Variants in SLC35F3 observed in about 807,000 individuals in gnomAD.
SLC35F3 encodes the protein putative thiamine transporter SLC35F3.
In SLC35F3, 25 loss-of-function variants were observed where a neutral mutation model predicts 49.9. That is an observed-to-expected ratio of 0.50 (90% CI 0.37 to 0.70). The LOEUF is 0.70. Among genes scored for constraint, SLC35F3 ranks in the 30% least tolerant of loss-of-function variants. The pLI, the probability that SLC35F3 is intolerant of heterozygous loss-of-function variation, is 0.00. For missense variants in SLC35F3, 525 were observed against 639.8 expected, an observed-to-expected ratio of 0.82 and a Z score of 1.94; for synonymous variants, 275 against 265.4, an observed-to-expected ratio of 1.04 and a Z score of -0.35.
intron 2 of SLC35F3, among the ~76,000 whole-genome samples, chr1:234,103,696 G>A (rs993397387): frequency 6.6e-6 from 1 of 152,196 alleles, no homozygotes; most frequent in African/African-American, 2.4e-5. Context: ...CACAATAGCT[G>A]TATCCTCTTC....
At chr1:233,950,857 CCCCTGCAATAT>C (rs1312866198) in intron 2 of SLC35F3, among the ~76,000 whole-genome samples, 2 of 151,422 alleles carry the variant, frequency 1.3e-5, no homozygotes, top group Non-Finnish European at 2.9e-5. Context: ...GTTTTTTTTC[CCCCTGCAATAT>C]CCCTGCAATA....
At position 234,271,040 on chromosome 1, in the gene SLC35F3, C is replaced by A. The variant is rs141554835; in HGVS notation, c.609-38061C>A. On this transcript the variant is annotated intron_variant, in intron 3 of 7. Transcript: ENST00000366618. Reference sequence around the variant, plus strand: ...AACAGCAGAATAATTTGATTGTAGGCAATAGCCTAAGTGTGCATTTCTTGG... The same window carrying A: ...AACAGCAGAATAATTTGATTGTAGGAAATAGCCTAAGTGTGCATTTCTTGG... Among the ~76,000 whole-genome samples the A allele has an allele frequency of 2.2e-4, 33 of 152,276 alleles. No individual in the cohort carries two copies. In the East Asian group the frequency reaches 6.4e-3, roughly 29 times the overall value.
intron 2 of SLC35F3, among the ~76,000 whole-genome samples, chr1:233,941,590 G>A (rs939813895): frequency 3.3e-5 from 5 of 152,244 alleles, no homozygotes; most frequent in Admixed American, 3.3e-4. Context: ...TTAAAGTTTT[G>A]TGGGGTTCAA....
chr1:233,986,667 C>T (rs1663270880), intron 2 of SLC35F3, among the ~76,000 whole-genome samples: 1 of 152,132 alleles, frequency 6.6e-6, no homozygotes, highest in Non-Finnish European at 1.5e-5. Context: ...ATGATTTTAA[C>T]ATTTGCTTAT....
chr1:234,084,988 A>G (rs1664940307), intron 2 of SLC35F3, among the ~76,000 whole-genome samples: 1 of 152,230 alleles, frequency 6.6e-6, no homozygotes, highest in African/African-American at 2.4e-5. Context: ...GTGCTTTAAC[A>G]TGGATGAATC....
chr1:234,088,886 T>C (rs1395161779), intron 2 of SLC35F3, among the ~76,000 whole-genome samples: 1 of 152,112 alleles, frequency 6.6e-6, no homozygotes, highest in Non-Finnish European at 1.5e-5. Context: ...CTCAGCCTCC[T>C]GAGTAGCTGG....
At chr1:234,169,208 A>G (rs1345366759) in intron 2 of SLC35F3, among the ~76,000 whole-genome samples, 1 of 152,128 alleles carries the variant, frequency 6.6e-6, no homozygotes, top group Non-Finnish European at 1.5e-5. Flanking sequence ...GCCCACCCGC[A>G]TTGGCAAGGG....
intron 6 of SLC35F3, 120 bp downstream of exon 6, chr1:234,319,063 T>C (rs4920231): frequency 8.3e-4 from 683 of 821,580 alleles, no homozygotes; most frequent in Middle Eastern, 2.7e-3. Context: ...TTCTCACTGG[T>C]TTTTAAGATC....
intron 2 of SLC35F3, among the ~76,000 whole-genome samples, chr1:234,010,556 A>G (rs971343994): frequency 6.6e-6 from 1 of 152,194 alleles, no homozygotes; most frequent in Non-Finnish European, 1.5e-5. Flanking sequence ...TGGCTGGTTG[A>G]ATTTTAAAAA....
intron 2 of SLC35F3, among the ~76,000 whole-genome samples, chr1:234,215,844 G>A (rs767669939): frequency 4.6e-5 from 7 of 152,194 alleles, no homozygotes; most frequent in Non-Finnish European, 1.0e-4. Flanking sequence ...GTGGGTTAAC[G>A]TGTCCTAGAC....
At chr1:234,252,019 C>T (rs1667745308) in intron 3 of SLC35F3, among the ~76,000 whole-genome samples, 1 of 151,172 alleles carries the variant, frequency 6.6e-6, no homozygotes, top group Non-Finnish European at 1.5e-5. Flanking sequence ...TATGACTTGT[C>T]TCACTGTGGT....
At chr1:233,997,101 G>C (rs915328942) in intron 2 of SLC35F3, among the ~76,000 whole-genome samples, 2 of 151,992 alleles carry the variant, frequency 1.3e-5, no homozygotes, top group Non-Finnish European at 2.9e-5. Context: ...CTTTTTTCAG[G>C]CTGACTATTC....
At chr1:234,022,430 A>C (rs1417427109) in intron 2 of SLC35F3, among the ~76,000 whole-genome samples, 1 of 151,164 alleles carries the variant, frequency 6.6e-6, no homozygotes, top group Non-Finnish European at 1.5e-5. Context: ...TGAAGGCCAT[A>C]TGGAGGCAGA....
intron 2 of SLC35F3, among the ~76,000 whole-genome samples, chr1:234,186,029 C>T (rs1162027837): frequency 6.6e-6 from 1 of 152,134 alleles, no homozygotes; most frequent in Non-Finnish European, 1.5e-5. Context: ...TGTCTGAAGG[C>T]AGCATTTTAA....
rs577273441 is a variant in SLC35F3 at position 234,212,392 on chromosome 1, G to A, written c.284-19025G>A. On this transcript the variant is annotated intron_variant, in intron 2 of 7. Transcript: ENST00000366618. The stretch of plus-strand genomic sequence containing the variant: ...TCAAAACCACATTCAAACTTGACAC[G>A]TATCTCTCAGCTGACTTGGAATAGC... 1.2e-4 allele frequency among the ~76,000 whole-genome samples: 18 copies of A among 152,302 alleles called. No individual in the cohort carries two copies. The East Asian group carries it at 1.3e-3, about 11-fold the overall frequency.
intron 2 of SLC35F3, among the ~76,000 whole-genome samples, chr1:234,228,268 T>C (rs1667317928): frequency 6.6e-6 from 1 of 152,216 alleles, no homozygotes; most frequent in South Asian, 2.1e-4. Context: ...TTACTTACTT[T>C]TATGTTCTAT....
chr1:233,966,063 C>A (rs1313838392), intron 2 of SLC35F3, among the ~76,000 whole-genome samples: 1 of 152,086 alleles, frequency 6.6e-6, no homozygotes, highest in African/African-American at 2.4e-5. Flanking sequence ...CAAGACCAGC[C>A]CTTAGGCCAA....
chr1:234,217,937 A>G (rs373892162), intron 2 of SLC35F3, among the ~76,000 whole-genome samples: 4 of 151,946 alleles, frequency 2.6e-5, no homozygotes, highest in African/African-American at 9.7e-5. Context: ...GGCTGGGGGG[A>G]TATGAGAAAG....
At chr1:234,138,063 T>G (rs1230280962) in intron 2 of SLC35F3, among the ~76,000 whole-genome samples, 9 of 152,216 alleles carry the variant, frequency 5.9e-5, no homozygotes, top group Admixed American at 5.9e-4. Context: ...CATTTGCTGC[T>G]TAGATATTCT....
Sources: allele counts gnomAD v4.1 joint callset (sites outside exome capture counted in the v4.1 genomes callset), GRCh38; gene constraint gnomAD v4.1.1; transcripts MANE v1.5; gene names NCBI Gene and HGNC (gene_info 2026-07-23, HGNC 2026-07-21).